The following SLC5A4 variants were observed in gnomAD, a reference collection of about 807,000 sequenced individuals.
The protein encoded by SLC5A4 is solute carrier family 5 member 4.
In SLC5A4, 55 loss-of-function variants were observed where a neutral mutation model predicts 70.3. The ratio of observed to expected loss-of-function variants is 0.78; its 90% CI spans 0.63 to 0.98. SLC5A4 has a LOEUF of 0.98. Ranked by LOEUF, SLC5A4 falls within the 50% of genes least tolerant of loss-of-function variation. SLC5A4 has a pLI of 0.00. For synonymous variants in SLC5A4, 268 were observed against 305.7 expected (o/e 0.88, Z 1.29); for missense variants, 735 against 839.2 (o/e 0.88, Z 1.53).
the SLC5A4 span, among the ~76,000 whole-genome samples, chr22:32,337,566 A>C: frequency 1.3e-5 from 2 of 152,202 alleles, no homozygotes; most frequent in African/African-American, 4.8e-5. Flanking sequence ...AAAGAAACAC[A>C]TTGGCTTCCC....
At chr22:32,281,753 A>G in the SLC5A4 span, among the ~76,000 whole-genome samples, 1 of 152,056 alleles carries the variant, frequency 6.6e-6, no homozygotes, top group Admixed American at 6.5e-5. Flanking sequence ...AGCCTCCTGA[A>G]GTTCTAGTAT....
intron 10 of SLC5A4, among the ~76,000 whole-genome samples, 188 bp downstream of exon 10, chr22:32,230,780 A>T (rs772395450): frequency 1.2e-4 from 19 of 152,242 alleles, no homozygotes; most frequent in African/African-American, 4.6e-4. Context: ...TTCTAACAGT[A>T]ATTGTACCTG....
the SLC5A4 span, among the ~76,000 whole-genome samples, chr22:32,306,882 G>C: frequency 6.7e-6 from 1 of 149,838 alleles, no homozygotes; most frequent in South Asian, 2.1e-4. Flanking sequence ...CTGGGTATGA[G>C]AAACTGACAT....
At chr22:32,329,407 C>A in the SLC5A4 span, among the ~76,000 whole-genome samples, 3 of 152,070 alleles carry the variant, frequency 2.0e-5, no homozygotes, top group Non-Finnish European at 4.4e-5. Context: ...ACATTCACAG[C>A]GGGGCCGCGG....
the SLC5A4 span, among the ~76,000 whole-genome samples, chr22:32,303,129 T>C: frequency 6.6e-6 from 1 of 152,218 alleles, no homozygotes; most frequent in East Asian, 1.9e-4. Context: ...GAAAGATTAT[T>C]TTCCCAAGAT....
intron 8 of SLC5A4, among the ~76,000 whole-genome samples, chr22:32,234,083 AC>A (rs1925920980): frequency 6.6e-6 from 1 of 152,212 alleles, no homozygotes; most frequent in Admixed American, 6.5e-5. Context: ...AGGGAAGCCA[AC>A]AATAAAATCC....
At chr22:32,245,051 T>C (rs1192917797) in intron 5 of SLC5A4, among the ~76,000 whole-genome samples, 1 of 152,292 alleles carries the variant, frequency 6.6e-6, no homozygotes, top group South Asian at 2.1e-4. Context: ...GATTAGATAA[T>C]AGTTTATATC....
At chr22:32,262,217 C>T in the SLC5A4 span, among the ~76,000 whole-genome samples, 1 of 152,078 alleles carries the variant, frequency 6.6e-6, no homozygotes, top group Non-Finnish European at 1.5e-5. Flanking sequence ...CACATGGTGG[C>T]CCCAATTGTA....
At chr22:32,336,883 C>T in the SLC5A4 span, among the ~76,000 whole-genome samples, 3 of 152,232 alleles carry the variant, frequency 2.0e-5, no homozygotes, top group Non-Finnish European at 4.4e-5. Context: ...ACTTAACACG[C>T]GGCATGGCCT....
At chr22:32,340,365 G>A in the SLC5A4 span, among the ~76,000 whole-genome samples, 1 of 152,200 alleles carries the variant, frequency 6.6e-6, no homozygotes. Context: ...ATGCAACATG[G>A]ATGTACTGAG....
At chr22:32,354,051 C>T in the SLC5A4 span, among the ~76,000 whole-genome samples, 1 of 151,690 alleles carries the variant, frequency 6.6e-6, no homozygotes, top group Non-Finnish European at 1.5e-5. Context: ...GCACCCAACC[C>T]GCCCCGCCGG....
At chr22:32,231,130 AC>A in intron 9 of SLC5A4, 55 bp from the exon 10 acceptor site, 1 of 997,874 alleles carries the variant, frequency 1.0e-6, no homozygotes, top group South Asian at 1.3e-5. Flanking sequence ...AAAACCAACA[AC>A]CATTAAACAA....
the SLC5A4 span, among the ~76,000 whole-genome samples, chr22:32,337,538 GAAAA>G: frequency 4.1e-5 from 6 of 146,964 alleles, no homozygotes; most frequent in African/African-American, 1.2e-4. Flanking sequence ...TCTCCAAAAA[GAAAA>G]AAAAGAAAAG....
At chr22:32,264,692 AAAG>A in the SLC5A4 span, among the ~76,000 whole-genome samples, 1 of 152,228 alleles carries the variant, frequency 6.6e-6, no homozygotes. Flanking sequence ...TAACATTTAA[AAAG>A]AAGACATCTA....
the SLC5A4 span, among the ~76,000 whole-genome samples, chr22:32,344,787 T>C: frequency 5.9e-5 from 9 of 152,298 alleles, no homozygotes; most frequent in Middle Eastern, 3.4e-3. Flanking sequence ...TAATTTTATA[T>C]TGAGATTCAT....
chr22:32,329,130 T>C, the SLC5A4 span, among the ~76,000 whole-genome samples: 1 of 152,172 alleles, frequency 6.6e-6, no homozygotes. Flanking sequence ...TTCATCCCCT[T>C]TTCTGCTTTT....
the SLC5A4 span, among the ~76,000 whole-genome samples, chr22:32,279,910 A>C: frequency 4.8e-5 from 7 of 144,380 alleles, no homozygotes; most frequent in African/African-American, 1.5e-4. Context: ...GAAGGTGGGG[A>C]GGTGACCTGG....
the SLC5A4 span, among the ~76,000 whole-genome samples, chr22:32,324,675 G>A: frequency 0.087 from 13,207 of 152,246 alleles, 827 homozygotes; most frequent in Admixed American, 0.16. Flanking sequence ...CACGGCCTCA[G>A]TGTCAGACAA....
chr22:32,334,913 G>A, the SLC5A4 span, among the ~76,000 whole-genome samples: 2 of 152,240 alleles, frequency 1.3e-5, no homozygotes, highest in Non-Finnish European at 2.9e-5. Context: ...TTATGATAAG[G>A]ACTTGAGTTT....
Sources: gnomAD v4.1 joint callset for allele counts (sites outside exome capture counted in the v4.1 genomes callset) on GRCh38, gnomAD v4.1.1 for gene constraint, MANE v1.5 for transcripts, NCBI Gene and HGNC (gene_info 2026-07-23, HGNC 2026-07-21) for gene names.